MACROD2: variants seen among roughly 807,000 people sequenced by gnomAD.
MACROD2 encodes the protein mono-ADP ribosylhydrolase 2, also known as ADP-ribose glycohydrolase MACROD2.
In MACROD2, 36 loss-of-function variants were observed where a neutral mutation model predicts 70.4. The ratio of observed to expected loss-of-function variants is 0.51; its 90% confidence interval spans 0.39 to 0.68. The LOEUF is 0.68. Ranked by LOEUF, MACROD2 falls within the 30% of genes least tolerant of loss-of-function variation. The pLI is 0.00. For missense variants in MACROD2, 496 were observed against 538.4 expected (o/e 0.92, Z 0.78); for synonymous variants, 172 against 178.8 (o/e 0.96, Z 0.30).
chr20:15,409,117 G>C lies in MACROD2; in HGVS notation c.541-22288G>C, dbSNP rs539390205. ...TGCTAGCCAGTTCTGGTTGGATATA[G>C]GTCAGCTGTGTACAAATGGACACAC... On this transcript the variant is annotated intron_variant, in intron 6 of 17. Transcript: ENST00000684519. 2.0e-5 allele frequency among the ~76,000 whole-genome samples: 3 copies of C among 152,206 alleles called. No individual in the cohort carries two copies. In the East Asian group the frequency reaches 5.8e-4, roughly 29 times the overall value.
At chr20:15,105,906 A>G (rs1302355807) in intron 5 of MACROD2, among the ~76,000 whole-genome samples, 2 of 152,156 alleles carry the variant, frequency 1.3e-5, no homozygotes, top group Non-Finnish European at 1.5e-5. Context: ...GCCTATAGGT[A>G]ATAATGGGGT....
intron 8 of MACROD2, among the ~76,000 whole-genome samples, chr20:15,816,877 T>C (rs189593592): frequency 1.1e-3 from 161 of 152,316 alleles, no homozygotes; most frequent in Non-Finnish European, 1.9e-3. Flanking sequence ...GAAACTCTGG[T>C]AGTGATAAAT....
chr20:14,628,736 C>T (rs1423423519), intron 4 of MACROD2: 2 of 152,116 alleles, frequency 1.3e-5, no homozygotes, highest in African/African-American at 4.8e-5. Flanking sequence ...GATCTCATTC[C>T]AGGAGCACAT....
intron 5 of MACROD2, among the ~76,000 whole-genome samples, chr20:15,217,299 C>G (rs77291350): frequency 0.018 from 2,778 of 152,242 alleles, 83 homozygotes; most frequent in African/African-American, 0.064. Context: ...TAGTACTTCT[C>G]ATCACCTCCC....
rs986256135 is a variant in MACROD2, at chr20:15,336,894, G to A, written c.541-94511G>A. ...GGTGTATGCGGACTTGTTCTTTCCT[G>A]GGTTAGTGACTAGCCTGAGAGAGTT... On this transcript the variant is annotated intron_variant, in intron 6 of 17. Transcript: ENST00000684519. Among the ~76,000 whole-genome samples, 3 of 151,664 alleles carry A rather than the reference G, an allele frequency of 2.0e-5. 1 individual carries two copies. The highest frequency in any genetic ancestry group is 7.3e-5 in the African/African-American group (3 of 41,002).
At chr20:15,998,977 G>A (rs779277860) in intron 15 of MACROD2, among the ~76,000 whole-genome samples, 1 of 152,028 alleles carries the variant, frequency 6.6e-6, no homozygotes, top group Non-Finnish European at 1.5e-5. Flanking sequence ...TTTCATTAGA[G>A]ATCAGAGATT....
chr20:14,322,684 C>T (rs1399717739), intron 3 of MACROD2, among the ~76,000 whole-genome samples: 1 of 152,040 alleles, frequency 6.6e-6, no homozygotes, highest in Non-Finnish European at 1.5e-5. Flanking sequence ...ATTTCATAGT[C>T]ACTTGGAGAT....
chr20:14,398,548 G>A (rs529029527), intron 3 of MACROD2, among the ~76,000 whole-genome samples: 1 of 151,956 alleles, frequency 6.6e-6, no homozygotes, highest in African/African-American at 2.4e-5. Context: ...AACTTGTTGG[G>A]CATTTGTATG....
chr20:14,342,909 CT>C (rs2083029491), intron 3 of MACROD2, among the ~76,000 whole-genome samples: 3 of 152,054 alleles, frequency 2.0e-5, no homozygotes, highest in Admixed American at 1.3e-4. Context: ...GTACACCCTT[CT>C]TTTCCCCAAC....
In MACROD2 at chr20:15,600,755, G is replaced by T. The variant is rs1016347372; in HGVS notation, c.645+100908G>T. Among the ~76,000 whole-genome samples, 5 of 152,156 alleles carry T rather than the reference G, an allele frequency of 3.3e-5. No individual in the cohort carries two copies. The South Asian group carries it at 1.0e-3, about 32-fold the overall frequency. On this transcript the variant is annotated intron_variant, in intron 8 of 17. Coordinates refer to ENST00000684519, the MANE Select transcript of MACROD2 (RefSeq NM_001351661.2). ...ACAAGCTAATGCGAGCAATCAGCAG[G>T]TTTGTGGAGAATATGCTGATATCTG... is the stretch of plus-strand genomic sequence containing the variant.
chr20:14,064,006 C>T (rs546902707), intron 2 of MACROD2, among the ~76,000 whole-genome samples: 3 of 152,284 alleles, frequency 2.0e-5, no homozygotes, highest in African/African-American at 7.2e-5. Flanking sequence ...GAATTATACG[C>T]AAGAGCCACT....
intron 5 of MACROD2, among the ~76,000 whole-genome samples, chr20:14,914,363 T>C (rs1600814972): frequency 6.6e-6 from 1 of 152,152 alleles, no homozygotes; most frequent in African/African-American, 2.4e-5. Flanking sequence ...TGGTAATGCA[T>C]ATTTAAGCTT....
rs372127698 is a variant in MACROD2 at position 15,383,007 on chromosome 20, A to G, written c.541-48398A>G. Among the ~76,000 whole-genome samples, 4 of 152,250 alleles carry G rather than the reference A, an allele frequency of 2.6e-5. No individual in the cohort carries two copies. In the East Asian group the frequency reaches 5.8e-4, roughly 22 times the overall value. Reference sequence around the variant, plus strand: ...TATTTTCATGTGCTCCTCTCCTTCAAATTCAGAAGAAAAGGACAAAGCTAA... The same window carrying G: ...TATTTTCATGTGCTCCTCTCCTTCAGATTCAGAAGAAAAGGACAAAGCTAA... On this transcript the variant is annotated intron_variant, in intron 6 of 17. Coordinates refer to ENST00000684519, the MANE Select transcript of MACROD2 (RefSeq NM_001351661.2).
At chr20:14,141,747 GAAAAAAAAAAA>G (rs3043659) in intron 3 of MACROD2, among the ~76,000 whole-genome samples, 6 of 66,830 alleles carry the variant, frequency 9.0e-5, no homozygotes, top group Non-Finnish European at 1.3e-4. Context: ...CTCCATCTCA[GAAAAAAAAAAA>G]AAAAAAAAAA....
At chr20:15,251,942 C>T (rs963478939) in intron 6 of MACROD2, among the ~76,000 whole-genome samples, 6 of 152,220 alleles carry the variant, frequency 3.9e-5, no homozygotes, top group African/African-American at 9.6e-5. Flanking sequence ...ATTAAGAAGA[C>T]AGTAGAAAAT....
At chr20:15,803,008 A>G (rs559308214) in intron 8 of MACROD2, among the ~76,000 whole-genome samples, 1 of 152,110 alleles carries the variant, frequency 6.6e-6, no homozygotes, top group Non-Finnish European at 1.5e-5. Context: ...AATGAGATTA[A>G]ATTGGTAATA....
intron 4 of MACROD2, among the ~76,000 whole-genome samples, chr20:14,520,971 A>ACACACACG (rs138681718): frequency 1.3e-5 from 2 of 151,384 alleles, no homozygotes; most frequent in Admixed American, 6.6e-5. Flanking sequence ...ACACACACAC[A>ACACACACG]CACGCACACA....
chr20:15,348,704 C>G (rs2078194290), intron 6 of MACROD2, among the ~76,000 whole-genome samples: 2 of 152,076 alleles, frequency 1.3e-5, no homozygotes, highest in Non-Finnish European at 2.9e-5. Context: ...GGGAAACTCC[C>G]TTTTATAAAA....
chr20:15,166,425 G>A (rs2076384340), intron 5 of MACROD2, among the ~76,000 whole-genome samples: 1 of 152,106 alleles, frequency 6.6e-6, no homozygotes, highest in Non-Finnish European at 1.5e-5. Flanking sequence ...CTAGAAGAGG[G>A]CCCTCACTAG....
Sources: gnomAD v4.1 joint callset for allele counts (sites outside exome capture counted in the v4.1 genomes callset) on GRCh38, gnomAD v4.1.1 for gene constraint, MANE v1.5 for transcripts, NCBI Gene and HGNC (gene_info 2026-07-23, HGNC 2026-07-21) for gene names.